The following CCDC33 variants were observed in gnomAD, a reference collection of about 807,000 sequenced individuals.
The protein encoded by CCDC33 is coiled-coil domain-containing protein 33.
CCDC33 carries 94 observed loss-of-function variants against 91.9 expected under a neutral mutation model. The ratio of observed to expected loss-of-function variants is 1.02; its 90% confidence interval spans 0.87 to 1.21. CCDC33 has a LOEUF of 1.21. Among genes scored for constraint, CCDC33 ranks in the 50% most tolerant of loss-of-function variants. The pLI is 0.00. For missense variants in CCDC33, 940 were observed against 935.5 expected (o/e 1.00, Z -0.06); for synonymous variants, 396 against 374.5 (o/e 1.06, Z -0.66).
At chr15:74,256,970 C>T (rs1566974630) in intron 2 of CCDC33, among the ~76,000 whole-genome samples, 1 of 152,202 alleles carries the variant, frequency 6.6e-6, no homozygotes, top group Non-Finnish European at 1.5e-5. Flanking sequence ...TGCTAGAGTG[C>T]TTCTCAGAGT....
At chr15:74,335,841 C>A (rs1567048206) in intron 18 of CCDC33, 84 bp from the exon 19 acceptor site, 1 of 1,043,418 alleles carries the variant, frequency 9.6e-7, no homozygotes, top group Middle Eastern at 2.2e-4. Context: ...TACTCTGAGG[C>A]CTGGTTTGTC....
intron 1 of CCDC33, among the ~76,000 whole-genome samples, chr15:74,206,191 GC>G (rs2074257747): frequency 6.6e-6 from 1 of 152,164 alleles, no homozygotes; most frequent in African/African-American, 2.4e-5. Flanking sequence ...CTTCCTAGGT[GC>G]CCCCATTGCC....
intron 11 of CCDC33, chr15:74,299,533 A>T (rs917000746): frequency 2.0e-5 from 3 of 152,258 alleles, no homozygotes; most frequent in African/African-American, 7.2e-5. Flanking sequence ...CTCTCATTTT[A>T]CAAAGGGTGG....
At chr15:74,215,542 A>G (rs2084700964), upstream of CCDC33, among the ~76,000 whole-genome samples, 1 of 152,108 alleles carries the variant, frequency 6.6e-6, no homozygotes, top group Non-Finnish European at 1.5e-5. Flanking sequence ...ATTTGACTAC[A>G]ATTTTTTTTT....
At chr15:74,306,285 G>A (rs533162561) in intron 11 of CCDC33, among the ~76,000 whole-genome samples, 1 of 152,264 alleles carries the variant, frequency 6.6e-6, no homozygotes, top group Non-Finnish European at 1.5e-5. Context: ...GGAGATTGTG[G>A]GAGCACAGAG....
chr15:74,253,823 A>G (rs1364774472), intron 2 of CCDC33, among the ~76,000 whole-genome samples: 1 of 152,102 alleles, frequency 6.6e-6, no homozygotes, highest in Non-Finnish European at 1.5e-5. Context: ...TGATCTCTAC[A>G]TGGAAGAATG....
Position 74,262,465 on chromosome 15 carries a change from A to C in CCDC33, c.211A>C (p.Asn71His). 6.2e-7 allele frequency: 1 copy of C among 1,614,076 alleles called. No homozygotes were observed. Among genetic ancestry groups the C allele is most frequent in the Non-Finnish European group, 8.5e-7 (1 of 1,179,974 alleles). Reference sequence around the variant, plus strand: ...GAAAAGCACATCTGAGGAAAAGAACAATCAGAGCTCCAAGGCAGTCACATC... The same window carrying C: ...GAAAAGCACATCTGAGGAAAAGAACCATCAGAGCTCCAAGGCAGTCACATC... ...VVKSTSEEKN[N>H]QSSKAVTSVT... Residue 71 changes from asparagine (N) to histidine (H), a missense_variant, in exon 3 of 19, where the codon AAT (asparagine) becomes CAT (histidine). Transcript: ENST00000398814.
chr15:74,294,641 G>A (rs2059646052), intron 10 of CCDC33, among the ~76,000 whole-genome samples: 1 of 151,900 alleles, frequency 6.6e-6, no homozygotes, highest in Admixed American at 6.6e-5. Flanking sequence ...CAGCTACTCA[G>A]GAGGCTAAGG....
intron 1 of CCDC33, chr15:74,207,702 C>G: frequency 2.0e-6 from 3 of 1,535,688 alleles, no homozygotes; most frequent in Non-Finnish European, 2.6e-6. Context: ...CCCACCTGTG[C>G]AGCCCAGTCC....
At chr15:74,281,601 G>T (rs1596019791) in intron 9 of CCDC33, among the ~76,000 whole-genome samples, 177 bp from the exon 10 acceptor site, 1 of 152,318 alleles carries the variant, frequency 6.6e-6, no homozygotes, top group African/African-American at 2.4e-5. Context: ...GGTTTAGAAG[G>T]GGTGGTGTGG....
chr15:74,228,927 G>A (rs1342847476), intron 2 of CCDC33, among the ~76,000 whole-genome samples: 5 of 152,174 alleles, frequency 3.3e-5, no homozygotes, highest in African/African-American at 1.2e-4. Context: ...GGTGGCGGGC[G>A]CTGAGCAGGG....
chr15:74,272,904 C>T lies in CCDC33; in HGVS notation c.759+13C>T. 1.9e-6 allele frequency: 3 copies of T among 1,614,046 alleles called. No homozygotes were observed. Among genetic ancestry groups the T allele is most frequent in the Non-Finnish European group, 2.5e-6 (3 of 1,179,934 alleles). Reference sequence around the variant, plus strand: ...CGGATGCCCTCAGGTATGTCTCCTCCCCAGTGGTTCCAGCTTCCTGTAACT... The same window carrying T: ...CGGATGCCCTCAGGTATGTCTCCTCTCCAGTGGTTCCAGCTTCCTGTAACT... On this transcript the variant is annotated intron_variant, in intron 7 of 18. Coordinates refer to ENST00000398814, the MANE Select transcript of CCDC33 (RefSeq NM_025055.5).
chr15:74,260,035 G>A (rs1293626144), intron 2 of CCDC33, among the ~76,000 whole-genome samples: 1 of 152,200 alleles, frequency 6.6e-6, no homozygotes, highest in African/African-American at 2.4e-5. Flanking sequence ...AGGCCTTATT[G>A]TGCACTAACT....
chr15:74,307,908 T>TCCCCCC (rs2059920867), intron 11 of CCDC33, among the ~76,000 whole-genome samples: 3 of 143,216 alleles, frequency 2.1e-5, no homozygotes, highest in Non-Finnish European at 4.5e-5. Context: ...ACCCCACCCA[T>TCCCCCC]CCCCTTTTCT....
intron 11 of CCDC33, among the ~76,000 whole-genome samples, chr15:74,317,920 T>G (rs1471996333): frequency 6.9e-6 from 1 of 144,010 alleles, no homozygotes; most frequent in African/African-American, 2.6e-5. Context: ...TGCTTCCCAG[T>G]GAGTTTCTTT....
chr15:74,292,167 C>T (rs1451348760), intron 10 of CCDC33, among the ~76,000 whole-genome samples: 1 of 152,216 alleles, frequency 6.6e-6, no homozygotes, highest in Non-Finnish European at 1.5e-5. Flanking sequence ...GTGGGGTGGG[C>T]CAGCAGCCCC....
At chr15:74,310,781 G>T (rs544516517) in intron 11 of CCDC33, among the ~76,000 whole-genome samples, 1 of 152,352 alleles carries the variant, frequency 6.6e-6, no homozygotes, top group African/African-American at 2.4e-5. Flanking sequence ...GACTCTCAGG[G>T]ATGGGGAGAG....
chr15:74,325,550 G>A (rs763573542), intron 11 of CCDC33, among the ~76,000 whole-genome samples: 13 of 150,640 alleles, frequency 8.6e-5, no homozygotes, highest in Non-Finnish European at 1.8e-4. Context: ...ATCACAAGCA[G>A]GGACGGTCTG....
In CCDC33 at chr15:74,315,978, C is replaced by T. The variant is rs139231956; in HGVS notation, c.1291-14211C>T. On this transcript the variant is annotated intron_variant, in intron 11 of 18. Transcript: ENST00000398814. ...CCTCTCCCTCCCCACTCCAGCCAGG[C>T]ACCTGCCCTGTTTCCTGGGACCCCC... Among the ~76,000 whole-genome samples the T allele has an allele frequency of 6.4e-3, 974 of 152,320 alleles. 8 individuals are homozygous for T. The highest frequency in any genetic ancestry group is 0.023 in the African/African-American group (939 of 41,556).
Sources: gnomAD v4.1 joint callset for allele counts (sites outside exome capture counted in the v4.1 genomes callset) on GRCh38, gnomAD v4.1.1 for gene constraint, MANE v1.5 for transcripts, NCBI Gene and HGNC (gene_info 2026-07-23, HGNC 2026-07-21) for gene names.